The following DLEC1 variants were observed in gnomAD, a reference collection of about 807,000 sequenced individuals.
The protein encoded by DLEC1 is DLEC1 cilia and flagella associated protein.
In DLEC1, 146 loss-of-function variants were observed where a neutral mutation model predicts 198.1. That is an observed-to-expected ratio of 0.74 (90% CI 0.64 to 0.85). DLEC1 has a LOEUF of 0.85. DLEC1 is among the 40% of genes least tolerant of loss of function. The pLI is 0.00. For missense variants in DLEC1, 2,233 were observed against 2,220.0 expected, an observed-to-expected ratio of 1.01 and a Z score of -0.12; for synonymous variants, 897 against 866.8, an observed-to-expected ratio of 1.03 and a Z score of -0.61.
intron 1 of DLEC1, among the ~76,000 whole-genome samples, chr3:38,040,586 A>C (rs1033198870): frequency 6.6e-6 from 1 of 152,192 alleles, no homozygotes; most frequent in Non-Finnish European, 1.5e-5. Context: ...GTACTCTGTG[A>C]TTCGTGGGTC....
intron 1 of DLEC1, 94 bp from the exon 2 acceptor site, chr3:38,045,449 C>A: frequency 6.8e-7 from 1 of 1,466,628 alleles, no homozygotes; most frequent in African/African-American, 1.4e-5. Flanking sequence ...CTATGCTTCA[C>A]TGGAAGCCCT....
Position 38,117,037 on chromosome 3 carries a change from T to C in DLEC1, c.4242T>C (p.Pro1414=). Residue 1414 remains proline, a synonymous_variant, in exon 30 of 37, where the codon CCT becomes CCC. Transcript: ENST00000308059. ...CCTTCACCCCTATGGTGCTCAGCCC[T>C]GAGATCCTGCACAAGGTGGAGTGTA... is the stretch of plus-strand genomic sequence containing the variant. ...YISFTPMVLS[P]EILHKVECTG... is the part of the protein sequence containing the mutation. 6.2e-7 allele frequency: 1 copy of C among 1,606,700 alleles called. No individual in the cohort carries two copies. Among genetic ancestry groups the C allele is most frequent in the Non-Finnish European group, 8.5e-7 (1 of 1,173,164 alleles).
At chr3:38,111,152 C>T (rs1343013406) in intron 23 of DLEC1, among the ~76,000 whole-genome samples, 11 of 152,178 alleles carry the variant, frequency 7.2e-5, no homozygotes, top group Non-Finnish European at 1.6e-4. Context: ...GTGGACACCT[C>T]ACCACCTAAT....
rs371595747 is a variant in DLEC1, at chr3:38,117,091, G to A, written c.4296G>A (p.Leu1432=). 1.9e-4 allele frequency: 299 copies of A among 1,613,966 alleles called. No individual in the cohort carries two copies. The highest frequency in any genetic ancestry group is 2.3e-4 in the Non-Finnish European group (276 of 1,179,984). ...CTGYALGFMS[L]DSKVEREIPG... ...GCTACGCCCTGGGTTTCATGAGCTT[G>A]GACAGCAAGGTGAGCTCTTCCGGCC... The change falls in exon 30 of 37, where the codon TTG becomes TTA. Residue 1432 remains leucine, a synonymous_variant. Transcript: ENST00000308059.
At chr3:38,084,837 G>A (rs1483239264) in intron 7 of DLEC1, among the ~76,000 whole-genome samples, 1 of 151,796 alleles carries the variant, frequency 6.6e-6, no homozygotes, top group Non-Finnish European at 1.5e-5. Context: ...CCCACTCCTC[G>A]TGCTGCCATT....
intron 18 of DLEC1, among the ~76,000 whole-genome samples, chr3:38,098,801 G>A (rs536857446): frequency 1.3e-5 from 2 of 152,228 alleles, no homozygotes; most frequent in East Asian, 1.9e-4. Flanking sequence ...GGGAGGCCTC[G>A]CTCCTTTACC....
At chr3:38,069,236 T>TA in intron 6 of DLEC1, among the ~76,000 whole-genome samples, 1 of 151,948 alleles carries the variant, frequency 6.6e-6, no homozygotes, top group Admixed American at 6.6e-5. Flanking sequence ...GAAAACAATT[T>TA]AAAAAAACCC....
intron 6 of DLEC1, among the ~76,000 whole-genome samples, chr3:38,068,860 T>C (rs1697169272): frequency 6.6e-6 from 1 of 152,222 alleles, no homozygotes; most frequent in African/African-American, 2.4e-5. Flanking sequence ...CATGCTCAGC[T>C]GTGAATAGCA....
At chr3:38,048,161 C>T (rs1418566141) in intron 2 of DLEC1, among the ~76,000 whole-genome samples, 1 of 152,176 alleles carries the variant, frequency 6.6e-6, no homozygotes, top group African/African-American at 2.4e-5. Context: ...TCTTTGATAA[C>T]TTCCTTGCTT....
chr3:38,113,868 C>T (rs766661336), intron 25 of DLEC1, among the ~76,000 whole-genome samples: 4 of 152,074 alleles, frequency 2.6e-5, no homozygotes, highest in Non-Finnish European at 5.9e-5. Context: ...TTATCACACT[C>T]TTATATTTTC....
At chr3:38,091,031 A>G (rs1000532195) in intron 10 of DLEC1, among the ~76,000 whole-genome samples, 1 of 152,238 alleles carries the variant, frequency 6.6e-6, no homozygotes, top group South Asian at 2.1e-4. Flanking sequence ...GTCTCTCACC[A>G]TATACAAAAA....
At chr3:38,106,505 C>G (rs578193438) in intron 19 of DLEC1, among the ~76,000 whole-genome samples, 1 of 152,184 alleles carries the variant, frequency 6.6e-6, no homozygotes, top group Admixed American at 6.5e-5. Flanking sequence ...TTTGTAATCC[C>G]AGCACTTTGG....
intron 6 of DLEC1, among the ~76,000 whole-genome samples, chr3:38,080,468 T>A (rs1697914395): frequency 6.6e-6 from 1 of 152,122 alleles, no homozygotes; most frequent in Non-Finnish European, 1.5e-5. Context: ...AGGAAGGGAC[T>A]GATGTGTAAA....
chr3:38,084,167 G>A lies in DLEC1; in HGVS notation c.1183G>A (p.Ala395Thr), dbSNP rs1698218455. 3.1e-6 allele frequency: 5 copies of A among 1,612,810 alleles called. No individual in the cohort carries two copies. The highest frequency in any genetic ancestry group is 2.7e-5 in the African/African-American group (2 of 74,872). ...TCTTACCTTTCAACAGATGGTAATTGCGCTGCAGAACACCACCACGACCAG... is the reference window on the plus strand; with the variant it reads ...TCTTACCTTTCAACAGATGGTAATTACGCTGCAGAACACCACCACGACCAG... The part of the protein sequence containing the change: ...EIGPVYEMVI[A>T]LQNTTTTSRY... Residue 395 changes from alanine to threonine, a missense_variant, in exon 7 of 37, where the codon GCG becomes ACG. Ala to Thr is a moderately conservative substitution (Grantham distance 58). Coordinates refer to ENST00000308059, the MANE Select transcript of DLEC1 (RefSeq NM_007335.4).
At chr3:38,071,679 G>A (rs11129777) in intron 6 of DLEC1, among the ~76,000 whole-genome samples, 7,688 of 152,246 alleles carry the variant, frequency 0.05, 244 homozygotes, top group Middle Eastern at 0.12. Context: ...GGGATCTGAC[G>A]CCTTTTGATG....
At chr3:38,110,313 G>A (rs1305961193) in intron 23 of DLEC1, 32 bp downstream of exon 23, 2 of 1,611,522 alleles carry the variant, frequency 1.2e-6, no homozygotes, top group South Asian at 1.1e-5. Flanking sequence ...TCCCAGGGCA[G>A]ATGAAGCTGG....
intron 2 of DLEC1, among the ~76,000 whole-genome samples, chr3:38,059,274 G>T (rs1032892425): frequency 6.6e-6 from 1 of 152,198 alleles, no homozygotes; most frequent in African/African-American, 2.4e-5. Flanking sequence ...CACAATAATG[G>T]CAAAGCCACA....
intron 6 of DLEC1, among the ~76,000 whole-genome samples, chr3:38,079,935 A>G (rs1244651854): frequency 6.6e-6 from 1 of 152,110 alleles, no homozygotes; most frequent in Non-Finnish European, 1.5e-5. Context: ...GCTGGAATTT[A>G]ATTTTTGGAG....
At chr3:38,117,737 C>T in intron 32 of DLEC1, 69 bp from the exon 33 acceptor site, 1 of 995,156 alleles carries the variant, frequency 1.0e-6, no homozygotes, top group South Asian at 1.3e-5. Context: ...CCCAGCCCTA[C>T]CCTAGAGCCA....
Sources: allele counts gnomAD v4.1 joint callset (sites outside exome capture counted in the v4.1 genomes callset), GRCh38; gene constraint gnomAD v4.1.1; transcripts MANE v1.5; gene names NCBI Gene and HGNC (gene_info 2026-07-23, HGNC 2026-07-21).